The following CYTH3 variants were observed in gnomAD, a reference collection of about 807,000 sequenced individuals.
CYTH3 encodes the protein cytohesin-3.
Under a neutral mutation model 55.1 loss-of-function variants are expected in CYTH3, and 23 were observed. That is an observed-to-expected ratio of 0.42 (90% CI 0.30 to 0.59). The LOEUF is 0.59. CYTH3 is among the 20% of genes least tolerant of loss of function. The pLI is 0.20. For missense variants in CYTH3, 413 were observed against 524.8 expected (o/e 0.79, Z 2.08); for synonymous variants, 249 against 194.9 (o/e 1.28, Z -2.31).
chr7:6,252,655 C>T (rs928457293), intron 1 of CYTH3, among the ~76,000 whole-genome samples: 9 of 152,280 alleles, frequency 5.9e-5, no homozygotes, highest in African/African-American at 2.2e-4. Context: ...GTATTAGTCT[C>T]AGCTGCAGTT....
In CYTH3 at chr7:6,173,647, A is replaced by G; in HGVS notation, c.449+6T>C. 3.1e-6 allele frequency: 5 copies of G among 1,596,536 alleles called. No homozygotes were observed. The highest frequency in any genetic ancestry group is 4.3e-6 in the Non-Finnish European group (5 of 1,164,234). On this transcript the variant is annotated splice_donor_region_variant and intron_variant, in intron 6 of 12. Transcript: ENST00000350796. ...CACTCTACACCCAGCAAATGATCAT[A>G]CTTACCTTAAGGCTTGTACAAGGTT... is the stretch of plus-strand genomic sequence containing the variant.
At chr7:6,192,479 C>T (rs767825054) in intron 1 of CYTH3, among the ~76,000 whole-genome samples, 36 of 151,556 alleles carry the variant, frequency 2.4e-4, no homozygotes, top group Non-Finnish European at 4.6e-4. Context: ...CCTTGGCCTC[C>T]TAAAGCACAG....
At chr7:6,192,015 G>A (rs1194030781) in intron 1 of CYTH3, among the ~76,000 whole-genome samples, 5 of 152,022 alleles carry the variant, frequency 3.3e-5, no homozygotes, top group Admixed American at 2.0e-4. Context: ...AGGAGTTTGA[G>A]GCTGCAGTGA....
intron 1 of CYTH3, among the ~76,000 whole-genome samples, chr7:6,197,490 C>T (rs1783962109): frequency 6.6e-6 from 1 of 152,186 alleles, no homozygotes; most frequent in Non-Finnish European, 1.5e-5. Flanking sequence ...CCAGACCAGC[C>T]TGGCCAATAT....
At chr7:6,249,841 G>A (rs946470523) in intron 1 of CYTH3, among the ~76,000 whole-genome samples, 3 of 152,128 alleles carry the variant, frequency 2.0e-5, no homozygotes, top group Non-Finnish European at 4.4e-5. Flanking sequence ...CATACCTCTC[G>A]CCTCACATAG....
intron 1 of CYTH3, among the ~76,000 whole-genome samples, chr7:6,255,859 G>A (rs983186940): frequency 6.7e-6 from 1 of 149,560 alleles, no homozygotes; most frequent in African/African-American, 2.5e-5. Context: ...CGCCTTCCAG[G>A]TTAACGCGAT....
chr7:6,162,008 GAAAA>G lies in CYTH3; in HGVS notation c.*2932_*2935del, dbSNP rs1206203408. ...TACCGCAAATAGAAATATTTTCTAA[GAAAA>G]AAAGTCAATTTGTGGTTTCTGGTCT... On this transcript the variant is annotated 3_prime_UTR_variant, in exon 13 of 13. Transcript: ENST00000350796. 1 of 152,522 alleles carries G rather than the reference GAAAA, an allele frequency of 6.6e-6. No homozygotes were observed. Among genetic ancestry groups the G allele is most frequent in the Non-Finnish European group, 1.5e-5 (1 of 68,010 alleles). The allele number at this position is 152,522 out of a possible 1,614,324, so 9.4% of individuals were successfully genotyped here. A position where few individuals can be genotyped will look rare whatever the true frequency, so the allele number is the denominator to read the frequency against.
intron 11 of CYTH3, 47 bp from the exon 12 acceptor site, chr7:6,165,474 G>C (rs756248347): frequency 6.2e-7 from 1 of 1,609,402 alleles, no homozygotes. Flanking sequence ...GCTTGGGGCA[G>C]GTTCCCTGCA....
chr7:6,253,860 G>A (rs1780035211), intron 1 of CYTH3, among the ~76,000 whole-genome samples: 1 of 151,234 alleles, frequency 6.6e-6, no homozygotes, highest in South Asian at 2.1e-4. Flanking sequence ...AGGTGCAGTG[G>A]CAGGCACCTG....
In CYTH3 at chr7:6,213,302, T is replaced by A. The variant is rs138418310; in HGVS notation, c.35-22771A>T. ...AGAGCTATTTCATTCATTTTCACGG[T>A]CTTCGTGAATTCCTGAAAATATATC... On this transcript the variant is annotated intron_variant, in intron 1 of 12. Transcript: ENST00000350796. Among the ~76,000 whole-genome samples the A allele has an allele frequency of 8.3e-3, 1,264 of 152,358 alleles. 20 individuals are homozygous for A. Among genetic ancestry groups the A allele is most frequent in the African/African-American group, 0.028 (1,172 of 41,576 alleles).
In CYTH3 at chr7:6,242,375, ATTTTTTTT is replaced by A. The variant is rs10525625; in HGVS notation, c.34+30091_34+30098del. On this transcript the variant is annotated intron_variant, in intron 1 of 12. Coordinates refer to ENST00000350796, the MANE Select transcript of CYTH3 (RefSeq NM_004227.4). Reference sequence around the variant, plus strand: ...ACAGACATGAGCCACCGCGCCTGGCATTTTTTTTTTTTTTTTTTTAAGACGGAGTCTCA... The same window carrying A: ...ACAGACATGAGCCACCGCGCCTGGCATTTTTTTTTTTAAGACGGAGTCTCA... Among the ~76,000 whole-genome samples the A allele has an allele frequency of 4.7e-5, 5 of 105,788 alleles. 1 individual carries two copies. The highest frequency in any genetic ancestry group is 1.4e-4 in the African/African-American group (4 of 28,910). The allele number at this position is 105,788 out of a possible 152,430, so 69.4% of individuals were successfully genotyped here.
At chr7:6,257,336 T>G (rs1780154504) in intron 1 of CYTH3, among the ~76,000 whole-genome samples, 1 of 152,182 alleles carries the variant, frequency 6.6e-6, no homozygotes, top group African/African-American at 2.4e-5. Flanking sequence ...TGATCCTTTC[T>G]CAACTCAAAA....
intron 6 of CYTH3, chr7:6,172,978 G>T (rs989296383): frequency 9.0e-7 from 1 of 1,112,030 alleles, no homozygotes; most frequent in East Asian, 8.4e-5. Context: ...GATTTGAGAA[G>T]ATGACGAGGT....
intron 1 of CYTH3, among the ~76,000 whole-genome samples, chr7:6,265,683 CCATGGT>C (rs1290504602): frequency 6.6e-6 from 1 of 151,322 alleles, no homozygotes; most frequent in African/African-American, 2.4e-5. Flanking sequence ...TGGGCCATGG[CCATGGT>C]AAGGTGGTCT....
chr7:6,220,978 A>G (rs928569707), intron 1 of CYTH3, among the ~76,000 whole-genome samples: 8 of 151,758 alleles, frequency 5.3e-5, no homozygotes, highest in Non-Finnish European at 1.5e-5. Flanking sequence ...CCTAGGCGAC[A>G]GAGTGAGACC....
intron 1 of CYTH3, among the ~76,000 whole-genome samples, chr7:6,259,793 A>ATATAT (rs1554255114): frequency 1.4e-4 from 2 of 14,102 alleles, no homozygotes; most frequent in East Asian, 6.9e-3. Flanking sequence ...TAATATATAT[A>ATATAT]TATATATATA....
chr7:6,257,747 G>C (rs953812249), intron 1 of CYTH3, among the ~76,000 whole-genome samples: 5 of 152,174 alleles, frequency 3.3e-5, no homozygotes, highest in African/African-American at 7.2e-5. Flanking sequence ...TGCTGCTACA[G>C]CCAGTATCAC....
chr7:6,218,788 C>T (rs1189723359), intron 1 of CYTH3, among the ~76,000 whole-genome samples: 1 of 152,018 alleles, frequency 6.6e-6, no homozygotes, highest in Non-Finnish European at 1.5e-5. Flanking sequence ...GGGCAGGTCA[C>T]GAGGTCAGGA....
chr7:6,166,646 T>C (rs1257296153), intron 9 of CYTH3, among the ~76,000 whole-genome samples: 1 of 152,142 alleles, frequency 6.6e-6, no homozygotes, highest in Admixed American at 6.5e-5. Context: ...CAGGGGGCTT[T>C]CCCTGTTGGG....
Sources: gnomAD v4.1 joint callset for allele counts (sites outside exome capture counted in the v4.1 genomes callset) on GRCh38, gnomAD v4.1.1 for gene constraint, MANE v1.5 for transcripts, NCBI Gene and HGNC (gene_info 2026-07-23, HGNC 2026-07-21) for gene names.